Variants in SSBP3 observed in about 807,000 individuals in gnomAD.
SSBP3 encodes single-stranded DNA-binding protein 3.
SSBP3 carries 5 observed loss-of-function variants against 69.6 expected under a neutral mutation model. The ratio of observed to expected loss-of-function variants is 0.07; its 90% CI spans 0.04 to 0.15. The LOEUF is 0.15. Ranked by LOEUF, SSBP3 falls within the 10% of genes least tolerant of loss-of-function variation. The probability of loss-of-function intolerance (pLI) is 1.00; values close to 1 mark genes in which losing one functional copy is unlikely to be tolerated. For synonymous variants in SSBP3, 196 were observed against 193.4 expected, an observed-to-expected ratio of 1.01 and a Z score of -0.11; for missense variants, 312 against 534.0, an observed-to-expected ratio of 0.58 and a Z score of 4.10.
chr1:54,234,451 G>A (rs1644451083), intron 14 of SSBP3, among the ~76,000 whole-genome samples: 1 of 152,084 alleles, frequency 6.6e-6, no homozygotes, highest in South Asian at 2.1e-4. Flanking sequence ...AGCCGGGTGT[G>A]GTGGCACGTG....
chr1:54,275,443 G>A (rs1350891353), intron 5 of SSBP3, among the ~76,000 whole-genome samples: 1 of 152,242 alleles, frequency 6.6e-6, no homozygotes, highest in Admixed American at 6.5e-5. Context: ...TCTGGCAGGA[G>A]GAATGTCCGC....
intron 4 of SSBP3, among the ~76,000 whole-genome samples, chr1:54,335,425 A>C (rs1646491300): frequency 6.6e-6 from 1 of 152,072 alleles, no homozygotes; most frequent in African/African-American, 2.4e-5. Flanking sequence ...ACAAGAGACA[A>C]AAACCACCTT....
At chr1:54,389,888 A>T (rs1648358575) in intron 4 of SSBP3, among the ~76,000 whole-genome samples, 1 of 124,998 alleles carries the variant, frequency 8.0e-6, no homozygotes, top group Admixed American at 7.6e-5. Flanking sequence ...CAAAAAAAAA[A>T]ATTTTTTTTT....
intron 4 of SSBP3, among the ~76,000 whole-genome samples, chr1:54,322,412 A>G (rs935802329): frequency 3.3e-5 from 5 of 152,122 alleles, no homozygotes; most frequent in Admixed American, 6.6e-5. Context: ...GCCTTCTCTG[A>G]TGTGTGCCCA....
intron 4 of SSBP3, among the ~76,000 whole-genome samples, chr1:54,375,628 C>T (rs1647207613): frequency 6.6e-6 from 1 of 152,196 alleles, no homozygotes; most frequent in South Asian, 2.1e-4. Context: ...TGAGAGGCGC[C>T]CCCAGCCAGT....
intron 14 of SSBP3, among the ~76,000 whole-genome samples, chr1:54,229,304 G>A (rs1257058829): frequency 1.3e-5 from 2 of 152,260 alleles, no homozygotes; most frequent in African/African-American, 4.8e-5. Flanking sequence ...GAGGCTGGAG[G>A]TGGAGGAGCT....
At chr1:54,377,854 T>C (rs548783571) in intron 4 of SSBP3, among the ~76,000 whole-genome samples, 2 of 152,344 alleles carry the variant, frequency 1.3e-5, no homozygotes, top group Non-Finnish European at 2.9e-5. Context: ...AAATATATCA[T>C]GTAAATTTAG....
chr1:54,401,956 G>T lies in SSBP3; in HGVS notation c.192-11C>A. ...AGGTCCCAAAATACACTGCGAGGAG[G>T]AAAATAAAATAAGGTCAGGTTACTA... On this transcript the variant is annotated splice_polypyrimidine_tract_variant and intron_variant, in intron 3 of 17. Coordinates refer to ENST00000610401, the Ensembl canonical transcript of SSBP3. 1 of 1,611,506 alleles carries T rather than the reference G, an allele frequency of 6.2e-7. No homozygotes were observed. The highest frequency in any genetic ancestry group is 8.5e-7 in the Non-Finnish European group (1 of 1,177,962).
chr1:54,242,073 TC>T, intron 11 of SSBP3, 90 bp downstream of exon 11: 1 of 1,453,972 alleles, frequency 6.9e-7, no homozygotes, highest in African/African-American at 1.4e-5. Flanking sequence ...ATCTCCCACT[TC>T]CCGTGACACC....
intron 13 of SSBP3, among the ~76,000 whole-genome samples, chr1:54,240,085 TGTGCGCGCGC>T (rs1644590240): frequency 5.2e-5 from 2 of 38,568 alleles, no homozygotes; most frequent in South Asian, 1.2e-3. Context: ...TGTGTGTGTG[TGTGCGCGCGC>T]GCGCGTGTGC....
chr1:54,233,473 C>T (rs1380101052), intron 14 of SSBP3, among the ~76,000 whole-genome samples: 5 of 151,304 alleles, frequency 3.3e-5, no homozygotes, highest in South Asian at 2.1e-4. Context: ...GCAGCCACAC[C>T]GTCTGGGAGG....
intron 17 of SSBP3, 141 bp from the exon 18 acceptor site, chr1:54,227,301 G>A (rs1202992102): frequency 8.8e-6 from 6 of 683,852 alleles, no homozygotes; most frequent in African/African-American, 1.8e-5. Context: ...GGGGCACATG[G>A]TGGCATGGAG....
chr1:54,345,636 C>T (rs1262392171), intron 4 of SSBP3, among the ~76,000 whole-genome samples: 2 of 152,224 alleles, frequency 1.3e-5, no homozygotes, highest in African/African-American at 2.4e-5. Flanking sequence ...ACAGAAGTAA[C>T]TAGCGTCTCA....
rs552259345 is a variant in SSBP3, at chr1:54,232,867, T to A, written c.928-4041A>T. 4.3e-4 allele frequency among the ~76,000 whole-genome samples: 66 copies of A among 152,066 alleles called. 1 individual carries two copies. The highest frequency in any genetic ancestry group is 1.5e-3 in the African/African-American group (64 of 41,444). Reference sequence around the variant, plus strand: ...CGAGGTGCCGGGATTGCAGACGGAGTCTCGTTCACTCAGTGCTCAACGGTG... The same window carrying A: ...CGAGGTGCCGGGATTGCAGACGGAGACTCGTTCACTCAGTGCTCAACGGTG... On this transcript the variant is annotated intron_variant, in intron 14 of 17. Transcript: ENST00000610401.
At chr1:54,353,999 C>G (rs564600040) in intron 4 of SSBP3, among the ~76,000 whole-genome samples, 1 of 152,266 alleles carries the variant, frequency 6.6e-6, no homozygotes, top group Admixed American at 6.5e-5. Flanking sequence ...CCGAACTGGA[C>G]CCAGATCCAG....
intron 4 of SSBP3, among the ~76,000 whole-genome samples, chr1:54,336,309 T>C (rs1033995199): frequency 5.3e-5 from 8 of 152,322 alleles, no homozygotes; most frequent in Middle Eastern, 3.4e-3. Flanking sequence ...GCCCCCCACG[T>C]TGGGGGACTC....
intron 5 of SSBP3, among the ~76,000 whole-genome samples, chr1:54,264,067 G>A (rs897724047): frequency 2.6e-5 from 4 of 152,192 alleles, no homozygotes; most frequent in East Asian, 1.9e-4. Context: ...TTGGGAGGCC[G>A]AGGCAGGAGG....
intron 4 of SSBP3, among the ~76,000 whole-genome samples, chr1:54,357,048 G>A (rs1235050673): frequency 6.6e-6 from 1 of 152,132 alleles, no homozygotes; most frequent in Non-Finnish European, 1.5e-5. Context: ...GGTAACAGAG[G>A]CCTATCTGGT....
chr1:54,315,708 C>T (rs566552958), intron 4 of SSBP3, among the ~76,000 whole-genome samples: 2 of 152,046 alleles, frequency 1.3e-5, no homozygotes, highest in Non-Finnish European at 2.9e-5. Flanking sequence ...GTCACCCAGG[C>T]TGGGCTGCAG....
Sources: allele counts gnomAD v4.1 joint callset (sites outside exome capture counted in the v4.1 genomes callset), GRCh38; gene constraint gnomAD v4.1.1; transcripts MANE v1.5; gene names NCBI Gene and HGNC (gene_info 2026-07-23, HGNC 2026-07-21).